The following CSMD1 variants were observed in gnomAD, a reference collection of about 807,000 sequenced individuals.
CSMD1 encodes the protein CUB and sushi domain-containing protein 1.
In CSMD1, 213 loss-of-function variants were observed where a neutral mutation model predicts 417.5. The ratio of observed to expected loss-of-function variants is 0.51; its 90% CI spans 0.46 to 0.57. The LOEUF (loss-of-function observed/expected upper bound fraction) is 0.57, where lower values mean the gene tolerates loss of function less well. CSMD1 is among the 20% of genes least tolerant of loss of function. The pLI is 0.00. For missense variants in CSMD1, 6,923 were observed against 4,529.7 expected, an observed-to-expected ratio of 1.53 and a Z score of -15.17; for synonymous variants, 2,862 against 1,736.8, an observed-to-expected ratio of 1.65 and a Z score of -16.11.
At chr8:3,142,177 C>A (rs1359694385) in intron 41 of CSMD1, among the ~76,000 whole-genome samples, 3 of 152,202 alleles carry the variant, frequency 2.0e-5, no homozygotes, top group African/African-American at 7.2e-5. Flanking sequence ...GTCTCCCACA[C>A]ATCTGGCTCT....
chr8:3,825,580 G>T (rs1454167896), intron 5 of CSMD1, among the ~76,000 whole-genome samples: 3 of 120,206 alleles, frequency 2.5e-5, no homozygotes, highest in Non-Finnish European at 5.2e-5. Flanking sequence ...TGATTACCTA[G>T]AAGAGTGGGG....
intron 6 of CSMD1, among the ~76,000 whole-genome samples, chr8:3,739,313 G>C (rs897774959): frequency 1.3e-5 from 2 of 152,190 alleles, no homozygotes. Flanking sequence ...CAGCTAGACA[G>C]GATGAATCTG....
At chr8:3,504,166 A>G (rs1229023551) in intron 10 of CSMD1, among the ~76,000 whole-genome samples, 2 of 152,166 alleles carry the variant, frequency 1.3e-5, no homozygotes, top group Non-Finnish European at 1.5e-5. Flanking sequence ...GATTTGATCA[A>G]TGACACACTG....
chr8:4,105,132 A>G (rs931966866), intron 3 of CSMD1, among the ~76,000 whole-genome samples: 3 of 152,320 alleles, frequency 2.0e-5, no homozygotes, highest in South Asian at 2.1e-4. Flanking sequence ...TGTAATACAC[A>G]ATCACTAATA....
chr8:4,343,154 C>A (rs994540402), intron 3 of CSMD1, among the ~76,000 whole-genome samples: 5 of 152,008 alleles, frequency 3.3e-5, no homozygotes, highest in Admixed American at 6.6e-5. Flanking sequence ...ATGAAATGGG[C>A]AATGTATTTG....
chr8:2,962,552 C>T lies in CSMD1; in HGVS notation c.9542G>A (p.Cys3181Tyr). Residue 3181 changes from cysteine to tyrosine, a missense_variant, in exon 61 of 70, where the codon TGC becomes TAC. Physicochemically the swap from Cys to Tyr is radical, Grantham distance 194. Coordinates refer to ENST00000635120, the MANE Select transcript of CSMD1 (RefSeq NM_033225.6). ...TCCCACGAGTATAAATGGAGATTTG[C>T]ACTGGAAGAAGACTTCGGACTTATA... ...FTYKSEVFFQ[C>Y]KSPFILVGSS... 6.2e-7 allele frequency: 1 copy of T among 1,613,854 alleles called. No homozygotes were observed.
At chr8:3,563,813 C>G (rs1585375138) in intron 10 of CSMD1, among the ~76,000 whole-genome samples, 1 of 152,102 alleles carries the variant, frequency 6.6e-6, no homozygotes, top group East Asian at 1.9e-4. Context: ...TTCTTGATCT[C>G]AGGAGGCGGA....
At chr8:4,817,580 T>G (rs1799278310) in intron 1 of CSMD1, among the ~76,000 whole-genome samples, 1 of 152,226 alleles carries the variant, frequency 6.6e-6, no homozygotes, top group African/African-American at 2.4e-5. Flanking sequence ...TTCCCACATT[T>G]TGACTTTGCT....
chr8:4,118,763 A>C (rs1802307417), intron 3 of CSMD1, among the ~76,000 whole-genome samples: 1 of 152,210 alleles, frequency 6.6e-6, no homozygotes, highest in Admixed American at 6.5e-5. Flanking sequence ...AAGGAATATG[A>C]ATCGTTCTAC....
chr8:3,796,858 T>G (rs2129070653), intron 5 of CSMD1, among the ~76,000 whole-genome samples: 1 of 151,748 alleles, frequency 6.6e-6, no homozygotes, highest in Non-Finnish European at 1.5e-5. Flanking sequence ...CAACATTTCA[T>G]TCTATTGTTT....
At chr8:4,290,828 A>T (rs953742501) in intron 3 of CSMD1, among the ~76,000 whole-genome samples, 1 of 152,204 alleles carries the variant, frequency 6.6e-6, no homozygotes, top group Non-Finnish European at 1.5e-5. Flanking sequence ...TAATTAAAAT[A>T]ATTCAAAGCA....
At chr8:3,923,318 G>A (rs867164981) in intron 5 of CSMD1, among the ~76,000 whole-genome samples, 1 of 152,064 alleles carries the variant, frequency 6.6e-6, no homozygotes, top group Non-Finnish European at 1.5e-5. Context: ...GTTTATGTAT[G>A]TATATATACA....
intron 11 of CSMD1, among the ~76,000 whole-genome samples, chr8:3,487,783 C>G (rs1318940542): frequency 6.6e-6 from 1 of 152,086 alleles, no homozygotes; most frequent in Non-Finnish European, 1.5e-5. Context: ...ACACTAAGTG[C>G]TAAAAGAATC....
intron 1 of CSMD1, among the ~76,000 whole-genome samples, chr8:4,795,381 C>T (rs187001824): frequency 7.4e-5 from 11 of 147,722 alleles, no homozygotes; most frequent in Admixed American, 6.2e-4. Context: ...AAGCAATTCT[C>T]CTGCCTCAGC....
chr8:3,089,285 C>T (rs887116880), intron 48 of CSMD1, among the ~76,000 whole-genome samples: 1 of 152,204 alleles, frequency 6.6e-6, no homozygotes, highest in African/African-American at 2.4e-5. Context: ...TCTGGAATTT[C>T]GGTGTGAATG....
chr8:3,172,888 G>A (rs1230262397), intron 37 of CSMD1, among the ~76,000 whole-genome samples: 1 of 152,162 alleles, frequency 6.6e-6, no homozygotes, highest in Non-Finnish European at 1.5e-5. Flanking sequence ...TCTCATGATT[G>A]ATGATTTTCT....
chr8:4,558,363 G>T (rs1798184549), intron 2 of CSMD1, among the ~76,000 whole-genome samples: 1 of 152,074 alleles, frequency 6.6e-6, no homozygotes, highest in South Asian at 2.1e-4. Context: ...ATTATATTAT[G>T]AAGCACCATC....
At position 3,302,012 on chromosome 8, in the gene CSMD1, A is replaced by C. The variant is rs569326805; in HGVS notation, c.3950+5683T>G. ...AGAATTCCATGAGCTGTACAGTCCTATTTTCATTGTTTTAGGTGGGAAATT... is the reference window on the plus strand; with the variant it reads ...AGAATTCCATGAGCTGTACAGTCCTCTTTTCATTGTTTTAGGTGGGAAATT... On this transcript the variant is annotated intron_variant, in intron 25 of 69. Transcript: ENST00000635120. 1.6e-4 allele frequency among the ~76,000 whole-genome samples: 25 copies of C among 152,182 alleles called. No homozygotes were observed. In the East Asian group the frequency reaches 4.1e-3, roughly 25 times the overall value.
chr8:3,774,236 T>C (rs1171782961), intron 5 of CSMD1, among the ~76,000 whole-genome samples: 1 of 152,186 alleles, frequency 6.6e-6, no homozygotes, highest in African/African-American at 2.4e-5. Context: ...TTGGCTCAAA[T>C]GCCACTTGCT....
Sources: allele counts gnomAD v4.1 joint callset (sites outside exome capture counted in the v4.1 genomes callset), GRCh38; gene constraint gnomAD v4.1.1; transcripts MANE v1.5; gene names NCBI Gene and HGNC (gene_info 2026-07-23, HGNC 2026-07-21).